The following AAMDC variants were observed in gnomAD, a reference collection of about 807,000 sequenced individuals.
The protein encoded by AAMDC is adipogenesis associated Mth938 domain containing.
Under a neutral mutation model 15.5 loss-of-function variants are expected in AAMDC, and 16 were observed. The observed-to-expected ratio is 1.03, with a 90% confidence interval of 0.70 to 1.57. The LOEUF (loss-of-function observed/expected upper bound fraction) is 1.57, where lower values mean the gene tolerates loss of function less well. Ranked by LOEUF, AAMDC falls within the 40% of genes most tolerant of loss-of-function variation. AAMDC has a pLI of 0.00. For synonymous variants in AAMDC, 51 were observed against 51.6 expected (o/e 0.99, Z 0.05); for missense variants, 141 against 144.9 (o/e 0.97, Z 0.14).
At chr11:77,829,283 G>A (rs544781968) in intron 1 of AAMDC, among the ~76,000 whole-genome samples, 3 of 152,250 alleles carry the variant, frequency 2.0e-5, no homozygotes, top group Admixed American at 6.5e-5. Context: ...AAGCCCTCAC[G>A]AGATACCAGT....
At chr11:77,878,836 G>A (rs1590989203) in intron 5 of AAMDC, 2 of 814,236 alleles carry the variant, frequency 2.5e-6, no homozygotes, top group East Asian at 2.4e-5. Context: ...GACTGTAAGG[G>A]TCACATACTC....
At chr11:77,862,994 G>T (rs1195665111) in intron 2 of AAMDC, among the ~76,000 whole-genome samples, 1 of 152,102 alleles carries the variant, frequency 6.6e-6, no homozygotes, top group Non-Finnish European at 1.5e-5. Context: ...TGTTACCGGG[G>T]GGTCCTTGCT....
intron 1 of AAMDC, among the ~76,000 whole-genome samples, chr11:77,832,196 C>T (rs898677155): frequency 1.3e-5 from 2 of 152,024 alleles, no homozygotes; most frequent in African/African-American, 4.8e-5. Context: ...ACTGTACTTA[C>T]AATTATAGGT....
At chr11:77,849,256 G>A (rs531090978) in intron 2 of AAMDC, among the ~76,000 whole-genome samples, 2 of 151,554 alleles carry the variant, frequency 1.3e-5, no homozygotes, top group East Asian at 3.9e-4. Context: ...GAGTCTTGCT[G>A]TGTCGCCCAG....
intron 5 of AAMDC, among the ~76,000 whole-genome samples, chr11:77,896,292 C>T (rs1370189423): frequency 6.6e-6 from 1 of 152,168 alleles, no homozygotes; most frequent in East Asian, 1.9e-4. Flanking sequence ...AAATCAAACT[C>T]AACGGTTCAG....
At chr11:77,860,441 G>C (rs1374705656) in intron 2 of AAMDC, among the ~76,000 whole-genome samples, 4 of 152,248 alleles carry the variant, frequency 2.6e-5, no homozygotes. Flanking sequence ...GATAATTTTA[G>C]CCCTAAGTAT....
At chr11:77,879,958 G>C (rs185784542) in intron 5 of AAMDC, among the ~76,000 whole-genome samples, 4 of 152,266 alleles carry the variant, frequency 2.6e-5, no homozygotes, top group Admixed American at 2.6e-4. Flanking sequence ...GAATCAGATA[G>C]GTTCTCAGAG....
chr11:77,831,438 C>T (rs962920900), intron 1 of AAMDC, among the ~76,000 whole-genome samples: 2 of 152,150 alleles, frequency 1.3e-5, no homozygotes, highest in Non-Finnish European at 2.9e-5. Context: ...TTGGAGACAA[C>T]CCAATGGCCA....
At chr11:77,882,096 T>C (rs912014994) in intron 5 of AAMDC, among the ~76,000 whole-genome samples, 1 of 151,956 alleles carries the variant, frequency 6.6e-6, no homozygotes, top group African/African-American at 2.4e-5. Context: ...ATATATCTAT[T>C]GTAGAGATAG....
intron 5 of AAMDC, among the ~76,000 whole-genome samples, chr11:77,893,630 C>T (rs1371324757): frequency 3.3e-5 from 5 of 152,140 alleles, no homozygotes; most frequent in Admixed American, 6.5e-5. Flanking sequence ...CGGTGGCTCA[C>T]GCCTGTAATC....
intron 2 of AAMDC, chr11:77,851,577 A>G (rs1950385318): frequency 6.6e-6 from 1 of 151,858 alleles, no homozygotes; most frequent in Admixed American, 6.6e-5. Context: ...GTGGGAGGTA[A>G]TTGGGTCATG....
intron 2 of AAMDC, among the ~76,000 whole-genome samples, chr11:77,844,966 T>C (rs1161282044): frequency 6.6e-6 from 1 of 152,210 alleles, no homozygotes; most frequent in Non-Finnish European, 1.5e-5. Context: ...TTTCTAATGA[T>C]AAATCAACCA....
downstream of AAMDC, among the ~76,000 whole-genome samples, chr11:77,904,313 C>T (rs1952873507): frequency 6.6e-6 from 1 of 152,078 alleles, no homozygotes; most frequent in Admixed American, 6.5e-5. Flanking sequence ...ATAACATGAG[C>T]TATATATAAT....
At chr11:77,875,232 G>A (rs1207279395), downstream of AAMDC, among the ~76,000 whole-genome samples, 1 of 152,094 alleles carries the variant, frequency 6.6e-6, no homozygotes, top group Non-Finnish European at 1.5e-5. Flanking sequence ...TTCCTTGCCC[G>A]GTTATGTGCC....
At chr11:77,896,888 A>G (rs1952549206) in intron 5 of AAMDC, among the ~76,000 whole-genome samples, 1 of 152,140 alleles carries the variant, frequency 6.6e-6, no homozygotes, top group Admixed American at 6.5e-5. Context: ...GAAAGAAAAC[A>G]CATACCTAGA....
At chr11:77,902,685 AAC>A (rs1403126819), downstream of AAMDC, among the ~76,000 whole-genome samples, 1 of 152,204 alleles carries the variant, frequency 6.6e-6, no homozygotes, top group Non-Finnish European at 1.5e-5. Flanking sequence ...ATGTAACAAT[AAC>A]AGTCACCATC....
chr11:77,894,008 A>G lies in AAMDC; in HGVS notation c.329-6563A>G, dbSNP rs575115181. ...AAACGTATTTACACGTTTTCTTCAT[A>G]TTACTTGTCTTTTTATGGCCTAGCT... On this transcript the variant is annotated intron_variant, in intron 5 of 5. Transcript: ENST00000304716. Among the ~76,000 whole-genome samples, 4 of 152,304 alleles carry G rather than the reference A, an allele frequency of 2.6e-5. No individual in the cohort carries two copies. The East Asian group carries it at 7.7e-4, about 29-fold the overall frequency.
chr11:77,846,671 A>C (rs1244768963), intron 2 of AAMDC, among the ~76,000 whole-genome samples: 1 of 152,188 alleles, frequency 6.6e-6, no homozygotes, highest in African/African-American at 2.4e-5. Context: ...GCGCCATTGC[A>C]CTCCATCCTG....
intron 2 of AAMDC, among the ~76,000 whole-genome samples, chr11:77,868,472 C>T (rs1951233310): frequency 6.6e-6 from 1 of 151,210 alleles, no homozygotes; most frequent in African/African-American, 2.4e-5. Context: ...GATTCTCCTG[C>T]CTCAGCCTCC....
Sources: gnomAD v4.1 joint callset for allele counts (sites outside exome capture counted in the v4.1 genomes callset) on GRCh38, gnomAD v4.1.1 for gene constraint, MANE v1.5 for transcripts, NCBI Gene and HGNC (gene_info 2026-07-23, HGNC 2026-07-21) for gene names.